URI1: variants seen among roughly 807,000 people sequenced by gnomAD.
URI1 encodes the protein unconventional prefoldin RPB5 interactor 1.
Under a neutral mutation model 60.2 loss-of-function variants are expected in URI1, and 39 were observed. The observed-to-expected ratio is 0.65, with a 90% CI of 0.50 to 0.85. The LOEUF is 0.85. URI1 is among the 40% of genes least tolerant of loss of function. The pLI is 0.00. For synonymous variants in URI1, 251 were observed against 236.8 expected, an observed-to-expected ratio of 1.06 and a Z score of -0.55; for missense variants, 691 against 665.9, an observed-to-expected ratio of 1.04 and a Z score of -0.42.
In URI1 at chr19:30,009,252, A is replaced by G. The variant is rs775731438; in HGVS notation, c.934A>G (p.Asn312Asp). The change falls in exon 8 of 11, where the codon AAC becomes GAC. Residue 312 changes from asparagine to aspartate, a missense_variant. By Grantham distance (23) the Asn-to-Asp change is conservative. Coordinates refer to ENST00000392271, the MANE Select transcript of URI1 (RefSeq NM_003796.3). ...DDDDDDDDDD[N>D]IDDDDGDNDH... ...TGATGATGATGACGACGACGACGAC[A>G]ACATTGACGACGATGATGGTGATAA... 22 of 1,613,606 alleles carry G rather than the reference A, an allele frequency of 1.4e-5. No homozygotes were observed. Among genetic ancestry groups the G allele is most frequent in the Non-Finnish European group, 1.4e-5 (17 of 1,179,802 alleles).
At chr19:29,996,616 T>C (rs1320912933) in intron 4 of URI1, among the ~76,000 whole-genome samples, 1 of 152,108 alleles carries the variant, frequency 6.6e-6, no homozygotes, top group Non-Finnish European at 1.5e-5. Flanking sequence ...GCTTAATTGC[T>C]CTAGCTAGAA....
chr19:29,941,042 C>T (rs577012647), upstream of URI1, among the ~76,000 whole-genome samples: 1 of 152,114 alleles, frequency 6.6e-6, no homozygotes, highest in Non-Finnish European at 1.5e-5. Flanking sequence ...GTTGTCCTTG[C>T]TTTCTTCCTT....
intron 1 of URI1, among the ~76,000 whole-genome samples, chr19:29,950,669 C>T (rs1183341144): frequency 6.6e-6 from 1 of 152,186 alleles, no homozygotes; most frequent in Non-Finnish European, 1.5e-5. Context: ...CATTCTTCTA[C>T]ATAACCATAT....
At chr19:29,949,314 G>T (rs1006600681) in intron 1 of URI1, among the ~76,000 whole-genome samples, 2 of 151,910 alleles carry the variant, frequency 1.3e-5, no homozygotes, top group Non-Finnish European at 2.9e-5. Flanking sequence ...CCCAGACGGG[G>T]CGGCGGGGCG....
At position 30,015,042 on chromosome 19, in the gene URI1, A is replaced by C; in HGVS notation, c.1581A>C (p.Lys527Asn). The C allele has an allele frequency of 6.2e-7, 1 of 1,613,624 alleles. No homozygotes were observed. Among genetic ancestry groups the C allele is most frequent in the Non-Finnish European group, 8.5e-7 (1 of 1,179,652 alleles). ...CTGGAAAGAGGGTTTCAAAGTTTAA[A>C]GCTGCCAGATTGCAACAGAAAGACT... ...EETGKRVSKF[K>N]AARLQQKD is the part of the protein sequence containing the mutation. The change falls in exon 11 of 11, where the codon AAA (lysine) becomes AAC (asparagine). Residue 527 changes from lysine (K) to asparagine (N), a missense_variant. Physicochemically the swap from Lys to Asn is moderately conservative, Grantham distance 94. Transcript: ENST00000392271.
intron 4 of URI1, among the ~76,000 whole-genome samples, chr19:29,993,851 T>A (rs990688911): frequency 6.6e-6 from 1 of 152,182 alleles, no homozygotes; most frequent in African/African-American, 2.4e-5. Context: ...AGCCATAGAC[T>A]TATGCATTCC....
At chr19:29,963,057 T>C (rs2145299140) in intron 1 of URI1, among the ~76,000 whole-genome samples, 2 of 152,342 alleles carry the variant, frequency 1.3e-5, no homozygotes, top group South Asian at 4.1e-4. Flanking sequence ...TTTCCCTTTT[T>C]CTTTGGTTTT....
chr19:29,953,777 CATA>C (rs1412739121), intron 1 of URI1, among the ~76,000 whole-genome samples: 1 of 151,038 alleles, frequency 6.6e-6, no homozygotes, highest in Admixed American at 6.6e-5. Flanking sequence ...GCAGGAAAAA[CATA>C]ATCACTAGGA....
At chr19:29,961,099 G>A (rs1353140202) in intron 1 of URI1, among the ~76,000 whole-genome samples, 1 of 151,846 alleles carries the variant, frequency 6.6e-6, no homozygotes, top group East Asian at 1.9e-4. Context: ...GGCCTCAAGC[G>A]GTCGTCCTGC....
chr19:29,951,613 C>G (rs902293239), intron 1 of URI1, among the ~76,000 whole-genome samples: 5 of 151,090 alleles, frequency 3.3e-5, no homozygotes, highest in African/African-American at 9.8e-5. Flanking sequence ...GTGGCACGAT[C>G]TTGGCTCACT....
intron 1 of URI1, among the ~76,000 whole-genome samples, chr19:29,926,058 T>C (rs2054862971): frequency 6.6e-6 from 1 of 152,032 alleles, no homozygotes; most frequent in African/African-American, 2.4e-5. Context: ...TAGGAATCAA[T>C]CTTCCTTCTT....
chr19:29,987,894 G>C lies in URI1; in HGVS notation c.367+1477G>C, dbSNP rs146547421. ...TGTTACAATAAATTCTGGGCCGGGCGCAGGGGCTCATGCCTGTAATCCCAG... is the reference window on the plus strand; with the variant it reads ...TGTTACAATAAATTCTGGGCCGGGCCCAGGGGCTCATGCCTGTAATCCCAG... On this transcript the variant is annotated intron_variant, in intron 4 of 10. Transcript: ENST00000392271. 5.9e-3 allele frequency among the ~76,000 whole-genome samples: 891 copies of C among 152,200 alleles called. 10 individuals are homozygous for C. The highest frequency in any genetic ancestry group is 0.02 in the African/African-American group (847 of 41,522).
chr19:29,942,697 GC>G (rs2055046824), intron 1 of URI1, 33 bp downstream of exon 1: 1 of 1,345,214 alleles, frequency 7.4e-7, no homozygotes, highest in Non-Finnish European at 9.5e-7. Context: ...TTCCGCCTCC[GC>G]CCGCCGGGCT....
intron 1 of URI1, among the ~76,000 whole-genome samples, chr19:29,957,529 C>T (rs2055264913): frequency 6.6e-6 from 1 of 152,096 alleles, no homozygotes; most frequent in Non-Finnish European, 1.5e-5. Flanking sequence ...CACACTCTTA[C>T]TATTTTAGCT....
chr19:29,998,725 A>G (rs1484287866), intron 4 of URI1, among the ~76,000 whole-genome samples: 2 of 152,118 alleles, frequency 1.3e-5, no homozygotes, highest in Non-Finnish European at 2.9e-5. Context: ...TCTTATAGAC[A>G]GTATATAGTT....
intron 1 of URI1, among the ~76,000 whole-genome samples, chr19:29,945,613 G>A (rs1285682393): frequency 2.0e-5 from 3 of 152,144 alleles, no homozygotes; most frequent in Non-Finnish European, 4.4e-5. Context: ...TTTTGATCTA[G>A]CAATAAAACA....
At chr19:29,951,608 A>G (rs1376541847) in intron 1 of URI1, among the ~76,000 whole-genome samples, 4 of 149,264 alleles carry the variant, frequency 2.7e-5, no homozygotes, top group Non-Finnish European at 5.9e-5. Context: ...GTGCGGTGGC[A>G]CGATCTTGGC....
intron 1 of URI1, among the ~76,000 whole-genome samples, chr19:29,950,445 A>G (rs1414593832): frequency 1.3e-5 from 2 of 152,236 alleles, no homozygotes; most frequent in Non-Finnish European, 2.9e-5. Flanking sequence ...CTTAAACTAC[A>G]ACTGTTTATT....
At chr19:29,996,797 GTTTT>G (rs879938390) in intron 4 of URI1, among the ~76,000 whole-genome samples, 8 of 146,270 alleles carry the variant, frequency 5.5e-5, no homozygotes, top group Admixed American at 1.4e-4. Context: ...AATTTATTGA[GTTTT>G]TTTTTTTAAT....
Sources: gnomAD v4.1 joint callset for allele counts (sites outside exome capture counted in the v4.1 genomes callset) on GRCh38, gnomAD v4.1.1 for gene constraint, MANE v1.5 for transcripts, NCBI Gene and HGNC (gene_info 2026-07-23, HGNC 2026-07-21) for gene names.